LDB2: variants seen among roughly 807,000 people sequenced by gnomAD.
LDB2 encodes the protein LIM domain binding 2.
LDB2 carries 12 observed loss-of-function variants against 44.3 expected under a neutral mutation model. The observed-to-expected ratio is 0.27, with a 90% confidence interval of 0.17 to 0.44. The LOEUF (loss-of-function observed/expected upper bound fraction) is 0.44. LDB2 is among the 20% of genes least tolerant of loss of function. The pLI, the probability that LDB2 is intolerant of heterozygous loss-of-function variation, is 1.00. For synonymous variants in LDB2, 164 were observed against 174.8 expected, an observed-to-expected ratio of 0.94 and a Z score of 0.49; for missense variants, 344 against 473.5, an observed-to-expected ratio of 0.73 and a Z score of 2.54.
At chr4:16,842,746 T>C (rs947438424) in intron 1 of LDB2, among the ~76,000 whole-genome samples, 1 of 152,200 alleles carries the variant, frequency 6.6e-6, no homozygotes, top group Non-Finnish European at 1.5e-5. Context: ...TTTTTAAACC[T>C]GGAACAATTT....
intron 2 of LDB2, among the ~76,000 whole-genome samples, chr4:16,600,322 A>G (rs1722239867): frequency 6.6e-6 from 1 of 152,154 alleles, no homozygotes; most frequent in African/African-American, 2.4e-5. Context: ...CTCCTATGAA[A>G]AGGATTATGT....
intron 1 of LDB2, among the ~76,000 whole-genome samples, chr4:16,858,728 T>G (rs1377957425): frequency 6.6e-6 from 1 of 152,200 alleles, no homozygotes; most frequent in Non-Finnish European, 1.5e-5. Flanking sequence ...ATTGTTGGAT[T>G]TATTTTTTTA....
rs140214165 is a variant in LDB2 at position 16,702,829 on chromosome 4, C to T, written c.235+56329G>A. Among the ~76,000 whole-genome samples the T allele has an allele frequency of 1.0e-3, 154 of 152,306 alleles. 1 individual carries two copies. Among genetic ancestry groups the T allele is most frequent in the African/African-American group, 3.5e-3 (145 of 41,566 alleles). Reference sequence around the variant, plus strand: ...TGGGCCACTCATGACCTTCCCATGACGGACCTCCAGCCCTATCCTTCCCAC... The same window carrying T: ...TGGGCCACTCATGACCTTCCCATGATGGACCTCCAGCCCTATCCTTCCCAC... On this transcript the variant is annotated intron_variant, in intron 2 of 7. Coordinates refer to ENST00000304523, the MANE Select transcript of LDB2 (RefSeq NM_001290.5).
chr4:16,593,277 C>A (rs1464714965), intron 3 of LDB2, among the ~76,000 whole-genome samples: 3 of 152,126 alleles, frequency 2.0e-5, no homozygotes, highest in African/African-American at 7.2e-5. Context: ...TAATAGCAGG[C>A]TTCCCTTTAA....
chr4:16,816,873 A>G (rs1311512274), intron 1 of LDB2, among the ~76,000 whole-genome samples: 3 of 151,956 alleles, frequency 2.0e-5, no homozygotes, highest in Non-Finnish European at 4.4e-5. Flanking sequence ...TAGTTTTTCA[A>G]ACTTTTTGTC....
intron 2 of LDB2, among the ~76,000 whole-genome samples, chr4:16,708,570 C>T (rs1755138248): frequency 6.6e-6 from 1 of 152,158 alleles, no homozygotes; most frequent in African/African-American, 2.4e-5. Flanking sequence ...AGAGAAACTT[C>T]TTCTTCAGCC....
chr4:16,650,437 G>T (rs1386709859), intron 2 of LDB2, among the ~76,000 whole-genome samples: 1 of 152,068 alleles, frequency 6.6e-6, no homozygotes. Flanking sequence ...TATGTTTTGG[G>T]TTCCATGTTG....
chr4:16,764,525 CAA>C (rs112962985), intron 1 of LDB2, among the ~76,000 whole-genome samples: 17,808 of 109,776 alleles, frequency 0.16, 2,448 homozygotes, highest in African/African-American at 0.39. Context: ...ACAATCACTA[CAA>C]AAAAAAAAAA....
intron 1 of LDB2, among the ~76,000 whole-genome samples, chr4:16,862,689 G>A (rs1235545947): frequency 6.8e-6 from 1 of 147,518 alleles, no homozygotes; most frequent in African/African-American, 2.5e-5. Flanking sequence ...CTGGCCCTTG[G>A]TGAATTCTCT....
chr4:16,511,559 A>G (rs1721757726), intron 6 of LDB2, among the ~76,000 whole-genome samples: 1 of 146,126 alleles, frequency 6.8e-6, no homozygotes, highest in Non-Finnish European at 1.5e-5. Flanking sequence ...CTTCTTCCTT[A>G]TCTTCCCTTT....
intron 2 of LDB2, among the ~76,000 whole-genome samples, chr4:16,596,419 GTTA>G (rs1720931623): frequency 6.6e-6 from 1 of 152,112 alleles, no homozygotes; most frequent in African/African-American, 2.4e-5. Context: ...ATCCGAAAAT[GTTA>G]TTATGGAGGG....
At chr4:16,513,586 CT>C (rs1443995688) in intron 5 of LDB2, among the ~76,000 whole-genome samples, 1 of 152,150 alleles carries the variant, frequency 6.6e-6, no homozygotes, top group Admixed American at 6.5e-5. Context: ...GAAGTGTGAT[CT>C]AAGAAACACT....
intron 1 of LDB2, among the ~76,000 whole-genome samples, chr4:16,797,319 T>C (rs1051072775): frequency 1.3e-5 from 2 of 152,176 alleles, no homozygotes; most frequent in African/African-American, 4.8e-5. Flanking sequence ...TTAATATTGG[T>C]TCATTAGTTT....
chr4:16,639,703 G>A (rs111601889), intron 2 of LDB2, among the ~76,000 whole-genome samples: 1,927 of 152,270 alleles, frequency 0.013, 22 homozygotes, highest in South Asian at 0.033. Flanking sequence ...CAGGTGATCC[G>A]CCCACCTCAG....
At chr4:16,583,279 C>G (rs934083615) in intron 5 of LDB2, among the ~76,000 whole-genome samples, 1 of 152,294 alleles carries the variant, frequency 6.6e-6, no homozygotes, top group South Asian at 2.1e-4. Flanking sequence ...ATGGCTGGAG[C>G]CTTTAAAATC....
intron 2 of LDB2, among the ~76,000 whole-genome samples, chr4:16,679,447 C>T (rs976810224): frequency 2.0e-5 from 3 of 152,120 alleles, no homozygotes; most frequent in Admixed American, 1.3e-4. Flanking sequence ...AGGCACTAAT[C>T]CTTTACCTAT....
chr4:16,672,334 A>G (rs532443294), intron 2 of LDB2, among the ~76,000 whole-genome samples: 1 of 152,240 alleles, frequency 6.6e-6, no homozygotes, highest in African/African-American at 2.4e-5. Context: ...TGTCTCCAAT[A>G]CCCACATTCT....
intron 2 of LDB2, among the ~76,000 whole-genome samples, chr4:16,684,240 A>G (rs1377897578): frequency 6.6e-6 from 1 of 152,236 alleles, no homozygotes; most frequent in African/African-American, 2.4e-5. Flanking sequence ...ACGTGATAAA[A>G]GTCTGCTAAA....
intron 1 of LDB2, among the ~76,000 whole-genome samples, chr4:16,802,790 A>G (rs1021432933): frequency 2.0e-5 from 3 of 152,134 alleles, no homozygotes; most frequent in African/African-American, 7.2e-5. Context: ...TGGGACACCA[A>G]CTGTGGAGTT....
Sources: gnomAD v4.1 joint callset for allele counts (sites outside exome capture counted in the v4.1 genomes callset) on GRCh38, gnomAD v4.1.1 for gene constraint, MANE v1.5 for transcripts, NCBI Gene and HGNC (gene_info 2026-07-23, HGNC 2026-07-21) for gene names.